The following TENM2 variants were observed in gnomAD, a reference collection of about 807,000 sequenced individuals.
TENM2 encodes teneurin-2.
Under a neutral mutation model 245.2 loss-of-function variants are expected in TENM2, and 52 were observed. The ratio of observed to expected loss-of-function variants is 0.21; its 90% CI spans 0.17 to 0.27. TENM2 has a LOEUF of 0.27. TENM2 is among the 10% of genes least tolerant of loss of function. The pLI is 1.00. For synonymous variants in TENM2, 1,363 were observed against 1,438.9 expected, an observed-to-expected ratio of 0.95 and a Z score of 1.19; for missense variants, 3,046 against 3,666.8, an observed-to-expected ratio of 0.83 and a Z score of 4.37.
Position 168,237,720 on chromosome 5 carries a change from TATTTA to T in TENM2, c.5521-6696_5521-6692del, listed in dbSNP as rs569602788. 4.3e-3 allele frequency among the ~76,000 whole-genome samples: 646 copies of T among 151,998 alleles called. 6 individuals are homozygous for T. The highest frequency in any genetic ancestry group is 6.2e-3 in the Non-Finnish European group (419 of 67,972). On this transcript the variant is annotated intron_variant, in intron 25 of 28. Transcript: ENST00000518659. Reference sequence around the variant, plus strand: ...GAGGCTTACCCTTCTAATGATGCATTATTTAATTATTATATTAAATTTATATTTAA... The same window carrying T: ...GAGGCTTACCCTTCTAATGATGCATTATTATTATATTAAATTTATATTTAA...
chr5:167,077,807 A>AG, the TENM2 span, among the ~76,000 whole-genome samples: 2 of 152,156 alleles, frequency 1.3e-5, no homozygotes, highest in African/African-American at 4.8e-5. Flanking sequence ...AATTTTAGGT[A>AG]GCTCATTTGG....
At chr5:167,196,917 C>A in the TENM2 span, among the ~76,000 whole-genome samples, 1 of 151,696 alleles carries the variant, frequency 6.6e-6, no homozygotes. Flanking sequence ...TAATCTCCAG[C>A]GAGTACTGAG....
At chr5:167,704,269 C>T (rs1243411929) in intron 2 of TENM2, among the ~76,000 whole-genome samples, 1 of 152,156 alleles carries the variant, frequency 6.6e-6, no homozygotes, top group East Asian at 1.9e-4. Flanking sequence ...CCTGTCTGAA[C>T]AGAGGACTTT....
At chr5:167,125,691 G>A in the TENM2 span, among the ~76,000 whole-genome samples, 20 of 152,200 alleles carry the variant, frequency 1.3e-4, no homozygotes, top group East Asian at 3.1e-3. Context: ...ATCCATTGAT[G>A]ACTGTAATCG....
At chr5:167,385,846 T>TTA (rs757382669) in intron 2 of TENM2, among the ~76,000 whole-genome samples, 76 of 140,856 alleles carry the variant, frequency 5.4e-4, no homozygotes, top group East Asian at 3.1e-3. Context: ...TAGTATTCCA[T>TTA]TATATATATA....
At chr5:168,194,517 A>G (rs1761216297) in intron 14 of TENM2, among the ~76,000 whole-genome samples, 1 of 152,156 alleles carries the variant, frequency 6.6e-6, no homozygotes, top group Admixed American at 6.5e-5. Flanking sequence ...ATATGTAGTA[A>G]CACAGAATCC....
chr5:167,746,675 CAGAGAGAG>C (rs57973052), intron 2 of TENM2, among the ~76,000 whole-genome samples: 116 of 117,188 alleles, frequency 9.9e-4, no homozygotes, highest in African/African-American at 2.3e-3. Context: ...AAATTACCAA[CAGAGAGAG>C]AGAGAGAGAG....
chr5:167,486,485 C>T (rs1012010082), intron 2 of TENM2, among the ~76,000 whole-genome samples: 11 of 152,024 alleles, frequency 7.2e-5, no homozygotes, highest in Admixed American at 2.6e-4. Flanking sequence ...CCTGCCACCA[C>T]GCCCAGCTAA....
the TENM2 span, among the ~76,000 whole-genome samples, chr5:167,249,792 C>T: frequency 6.6e-6 from 1 of 151,196 alleles, no homozygotes; most frequent in Non-Finnish European, 1.5e-5. Context: ...TGCCTTTATA[C>T]TCACTAAGAT....
rs558864319 is a variant in TENM2 at position 167,595,915 on chromosome 5, T to C, written c.502+220442T>C. Among the ~76,000 whole-genome samples the C allele has an allele frequency of 2.6e-5, 4 of 152,302 alleles. No homozygotes were observed. In the South Asian group the frequency reaches 6.2e-4, roughly 24 times the overall value. On this transcript the variant is annotated intron_variant, in intron 2 of 28. Transcript: ENST00000518659. ...AAAACTTCATTGCAGTCACTAAGCATGGGGATTACTGGAAAGACAGAGTGA... is the reference window on the plus strand; with the variant it reads ...AAAACTTCATTGCAGTCACTAAGCACGGGGATTACTGGAAAGACAGAGTGA...
At chr5:168,088,051 G>A (rs1286148160) in intron 7 of TENM2, among the ~76,000 whole-genome samples, 2 of 152,176 alleles carry the variant, frequency 1.3e-5, no homozygotes, top group Non-Finnish European at 2.9e-5. Flanking sequence ...GGTGAGCACT[G>A]CCACTAGTCC....
chr5:167,560,920 G>A (rs1275029351), intron 2 of TENM2, among the ~76,000 whole-genome samples: 1 of 107,264 alleles, frequency 9.3e-6, no homozygotes, highest in East Asian at 3.1e-4. Context: ...GAGAAGGTGG[G>A]CTGTGTGTAT....
intron 2 of TENM2, among the ~76,000 whole-genome samples, chr5:167,498,280 T>C (rs928533431): frequency 3.0e-4 from 45 of 152,272 alleles, no homozygotes; most frequent in African/African-American, 1.1e-3. Flanking sequence ...TTGGGTTTAG[T>C]GTTTCCTTTC....
chr5:167,298,260 G>A (rs1755077751), intron 1 of TENM2, among the ~76,000 whole-genome samples: 1 of 152,094 alleles, frequency 6.6e-6, no homozygotes, highest in Non-Finnish European at 1.5e-5. Context: ...AGAAACATTT[G>A]TCATTTAGAA....
chr5:168,250,396 C>A (rs1767013461), intron 27 of TENM2, among the ~76,000 whole-genome samples: 1 of 152,218 alleles, frequency 6.6e-6, no homozygotes, highest in African/African-American at 2.4e-5. Context: ...TATAGAGAAA[C>A]AATAATGAGG....
At chr5:167,609,519 C>CAAAAAAAAAAAAAAAAAAT (rs1171421408) in intron 2 of TENM2, among the ~76,000 whole-genome samples, 5 of 128,952 alleles carry the variant, frequency 3.9e-5, no homozygotes, top group East Asian at 2.7e-4. Context: ...AAAACAAAAC[C>CAAAAAAAAAAAAAAAAAAT]TTACCTAGAA....
chr5:167,821,701 T>C (rs566502805), intron 2 of TENM2, among the ~76,000 whole-genome samples: 43 of 152,312 alleles, frequency 2.8e-4, no homozygotes, highest in African/African-American at 1.0e-3. Flanking sequence ...GGAAATTTTT[T>C]TTGTTATGTG....
chr5:168,133,439 G>A (rs917765718), intron 12 of TENM2, among the ~76,000 whole-genome samples: 1 of 152,168 alleles, frequency 6.6e-6, no homozygotes, highest in African/African-American at 2.4e-5. Context: ...CCATTTCTAG[G>A]ATTTCATTAC....
intron 3 of TENM2, among the ~76,000 whole-genome samples, chr5:167,900,111 TAAA>T (rs71853736): frequency 2.3e-5 from 1 of 43,450 alleles, no homozygotes; most frequent in African/African-American, 1.2e-4. Flanking sequence ...CTCAACCCAC[TAAA>T]AAAAAAAAAA....
Sources: gnomAD v4.1 joint callset for allele counts (sites outside exome capture counted in the v4.1 genomes callset) on GRCh38, gnomAD v4.1.1 for gene constraint, MANE v1.5 for transcripts, NCBI Gene and HGNC (gene_info 2026-07-23, HGNC 2026-07-21) for gene names.